The following QNG1 variants were observed in gnomAD, a reference collection of about 807,000 sequenced individuals.
QNG1 encodes Q-nucleotide N-glycosylase 1.
chr9:83,952,836 T>A, the QNG1 span, among the ~76,000 whole-genome samples: 77 of 139,820 alleles, frequency 5.5e-4, 1 homozygote, highest in Middle Eastern at 8.3e-3. Flanking sequence ...TGCGTGGTAG[T>A]GGGTGCCTGG....
chr9:83,949,949 AG>A, the QNG1 span, among the ~76,000 whole-genome samples: 13 of 150,788 alleles, frequency 8.6e-5, no homozygotes, highest in South Asian at 2.1e-4. Context: ...TATAAAGAAT[AG>A]ATTATAATAG....
chr9:83,945,409 A>G, the QNG1 span, among the ~76,000 whole-genome samples: 1 of 152,000 alleles, frequency 6.6e-6, no homozygotes, highest in African/African-American at 2.4e-5. Flanking sequence ...TCAAAAAAAA[A>G]AAAAAAAAAT....
chr9:83,955,512 C>A, the QNG1 span: 1 of 1,614,142 alleles, frequency 6.2e-7, no homozygotes, highest in Non-Finnish European at 8.5e-7. Context: ...AGAATTTTCC[C>A]GGTTTCATTG....
At chr9:83,947,968 C>T in the QNG1 span, among the ~76,000 whole-genome samples, 15 of 143,452 alleles carry the variant, frequency 1.0e-4, no homozygotes, top group Non-Finnish European at 2.9e-5. Flanking sequence ...CTCTGCCTGG[C>T]CGCCCATCGT....
chr9:83,943,855 GC>G, the QNG1 span, among the ~76,000 whole-genome samples: 1 of 151,876 alleles, frequency 6.6e-6, no homozygotes, highest in South Asian at 2.1e-4. Context: ...CCCCGTTTCT[GC>G]TAAAAATACA....
chr9:83,947,376 T>A, the QNG1 span, among the ~76,000 whole-genome samples: 1 of 152,204 alleles, frequency 6.6e-6, no homozygotes, highest in Non-Finnish European at 1.5e-5. Flanking sequence ...AAAATGCCAA[T>A]GATACCCTGT....
the QNG1 span, among the ~76,000 whole-genome samples, chr9:83,950,885 G>T: frequency 6.6e-6 from 1 of 152,066 alleles, no homozygotes; most frequent in Non-Finnish European, 1.5e-5. Flanking sequence ...ACAGGAAAGA[G>T]CCATCGCACC....
the QNG1 span, among the ~76,000 whole-genome samples, chr9:83,941,189 C>T: frequency 6.6e-6 from 1 of 152,154 alleles, no homozygotes; most frequent in Admixed American, 6.5e-5. Context: ...TCATAAATGT[C>T]TGTTGTTTTA....
chr9:83,955,648 GA>G, the QNG1 span: 13 of 1,605,142 alleles, frequency 8.1e-6, no homozygotes, highest in Non-Finnish European at 1.0e-5. Flanking sequence ...TCCCTTTAGT[GA>G]AAAAATAAAA....
the QNG1 span, chr9:83,955,578 G>A: frequency 1.5e-5 from 25 of 1,614,038 alleles, no homozygotes; most frequent in Non-Finnish European, 2.1e-5. Context: ...TCAGAACGAA[G>A]TATATTCCGA....
the QNG1 span, among the ~76,000 whole-genome samples, chr9:83,948,159 GCCGCGA>G: frequency 6.6e-6 from 1 of 150,978 alleles, no homozygotes; most frequent in African/African-American, 2.4e-5. Flanking sequence ...CCTCTGTCCG[GCCGCGA>G]CCCCGTCTGG....
chr9:83,943,331 C>CAAAAAAAAAAAAAAAAA, the QNG1 span, among the ~76,000 whole-genome samples: 3 of 62,524 alleles, frequency 4.8e-5, no homozygotes, highest in African/African-American at 1.5e-4. Context: ...CAGAGCGTCT[C>CAAAAAAAAAAAAAAAAA]AAAAAAAAAA....
At chr9:83,944,782 A>C in the QNG1 span, 1 of 1,598,262 alleles carries the variant, frequency 6.3e-7, no homozygotes, top group East Asian at 2.2e-5. Flanking sequence ...AGAATGACTT[A>C]AAGTTGCAAA....
the QNG1 span, chr9:83,939,230 C>T: frequency 4.6e-5 from 14 of 305,458 alleles, no homozygotes; most frequent in East Asian, 3.2e-4. Context: ...CGTGCCACCA[C>T]GCCCAGCTAA....
At chr9:83,939,611 T>C in the QNG1 span, 1 of 1,613,366 alleles carries the variant, frequency 6.2e-7, no homozygotes, top group Non-Finnish European at 8.5e-7. Context: ...AAGAATGGAA[T>C]TGATCTCTCC....
At chr9:83,951,362 A>G in the QNG1 span, among the ~76,000 whole-genome samples, 1 of 152,216 alleles carries the variant, frequency 6.6e-6, no homozygotes, top group Admixed American at 6.5e-5. Flanking sequence ...GGAGTTCGAG[A>G]CCAGCCTGGC....
the QNG1 span, chr9:83,944,860 G>A: frequency 6.2e-7 from 1 of 1,613,970 alleles, no homozygotes; most frequent in South Asian, 1.1e-5. Context: ...AGAACCTGAG[G>A]TAATCTATAA....
At chr9:83,950,142 C>T in the QNG1 span, among the ~76,000 whole-genome samples, 2 of 151,228 alleles carry the variant, frequency 1.3e-5, no homozygotes, top group African/African-American at 4.9e-5. Flanking sequence ...CTCTGCCTCC[C>T]GGGTTCAGGC....
chr9:83,953,928 T>C, the QNG1 span: 1 of 926,546 alleles, frequency 1.1e-6, no homozygotes, highest in Non-Finnish European at 1.7e-6. Flanking sequence ...AGTCTAATTC[T>C]GTCTCGTCTA....
Sources: gnomAD v4.1 joint callset for allele counts (sites outside exome capture counted in the v4.1 genomes callset) on GRCh38, gnomAD v4.1.1 for gene constraint, MANE v1.5 for transcripts, NCBI Gene and HGNC (gene_info 2026-07-23, HGNC 2026-07-21) for gene names.